Variants in NLRP9 observed in about 807,000 individuals in gnomAD.
NLRP9 encodes NACHT, LRR and PYD domains-containing protein 9.
A neutral mutation model predicts 83.1 loss-of-function variants in NLRP9; 88 were observed. That is an observed-to-expected ratio of 1.06 (90% confidence interval 0.89 to 1.26). NLRP9 has a LOEUF of 1.26. Among genes scored for constraint, NLRP9 ranks in the 50% most tolerant of loss-of-function variants. The probability of loss-of-function intolerance (pLI) is 0.00; values close to 1 mark genes in which losing one functional copy is unlikely to be tolerated. For missense variants in NLRP9, 1,308 were observed against 1,179.3 expected (o/e 1.11, Z -1.60); for synonymous variants, 521 against 447.6 (o/e 1.16, Z -2.07).
intron 1 of NLRP9, among the ~76,000 whole-genome samples, chr19:55,734,810 T>A (rs913855147): frequency 7.9e-5 from 12 of 152,052 alleles, no homozygotes; most frequent in African/African-American, 2.7e-4. Flanking sequence ...AATTTTTGTA[T>A]TTTTCGTAGA....
rs1987781506 is a variant in NLRP9 at position 55,712,583 on chromosome 19, C to T, written c.2509G>A (p.Gly837Ser). 2.5e-6 allele frequency: 4 copies of T among 1,611,968 alleles called. No individual in the cohort carries two copies. The highest frequency in any genetic ancestry group is 4.5e-5 in the East Asian group (2 of 44,734). Residue 837 changes from glycine (G) to serine (S), a missense_variant, in exon 7 of 9, where the codon GGC becomes AGC. By Grantham distance (56) the Gly-to-Ser change is moderately conservative (BLOSUM62 0). Transcript: ENST00000332836. Reference protein sequence around the residue: ...GCSIRELWLMGCFLTSDSCKD... With the variant: ...GCSIRELWLMSCFLTSDSCKD... The stretch of plus-strand genomic sequence containing the variant: ...CAGGAATCGGAAGTAAGGAAACAGC[C>T]CATCAACCTGGGGAGGTGGAAGACA...
chr19:55,712,232 A>G (rs2122278846), intron 7 of NLRP9, among the ~76,000 whole-genome samples, 188 bp downstream of exon 7: 1 of 152,280 alleles, frequency 6.6e-6, no homozygotes, highest in South Asian at 2.1e-4. Flanking sequence ...CCCAAGGCAA[A>G]TAACTCTCCA....
Position 55,733,364 on chromosome 19 carries a change from ATTCCATCAGGACC to A in NLRP9, c.454_466del (p.Gly152LeufsTer7). 1 of 1,614,172 alleles carries A rather than the reference ATTCCATCAGGACC, an allele frequency of 6.2e-7. No homozygotes were observed. The highest frequency in any genetic ancestry group is 1.1e-5 in the South Asian group (1 of 91,074). ...TTTTCTTAAAAGGGTTGTTTTTCCA[ATTCCATCAGGACC>A]TTCCAGGACCACAGTGTGTCGTCTA... is the stretch of plus-strand genomic sequence containing the variant. On this transcript the variant is annotated frameshift_variant, in exon 2 of 9. Coordinates refer to ENST00000332836, the MANE Select transcript of NLRP9 (RefSeq NM_176820.4). LOFTEE classifies it high-confidence loss of function.
rs960632364 is a variant in NLRP9, at chr19:55,738,222, G to A, written c.153C>T (p.Ser51=). The change falls in exon 1 of 9, where the codon TCC becomes TCT. Residue 51 remains serine, a synonymous_variant. Coordinates refer to ENST00000332836, the MANE Select transcript of NLRP9 (RefSeq NM_176820.4). ...CCAGCAGCTTTGCTACATCTTCTTT[G>A]GAGGCCTTCTTCAGCTCAGCCCAGG... is the stretch of plus-strand genomic sequence containing the variant. ...PIPWAELKKA[S]KEDVAKLLDK... is the part of the protein sequence containing the mutation. The A allele has an allele frequency of 6.2e-7, 1 of 1,613,938 alleles. No individual in the cohort carries two copies. The highest frequency in any genetic ancestry group is 8.5e-7 in the Non-Finnish European group (1 of 1,180,022).
chr19:55,712,468 T>C lies in NLRP9; in HGVS notation c.2624A>G (p.Gln875Arg). The change falls in exon 7 of 9, where the codon CAG becomes CGG. Residue 875 changes from glutamine to arginine, a missense_variant. Coordinates refer to ENST00000332836, the MANE Select transcript of NLRP9 (RefSeq NM_176820.4). ...AGGATGCTGCAAAGCTGCACATAAC[T>C]GTCTGACACCAGTGTCTCCTATTTC... Reference protein sequence around the residue: ...HNEIGDTGVRQLCAALQHPHC... With the variant: ...HNEIGDTGVRRLCAALQHPHC... 1 of 1,612,866 alleles carries C rather than the reference T, an allele frequency of 6.2e-7. No individual in the cohort carries two copies. Among genetic ancestry groups the C allele is most frequent in the Non-Finnish European group, 8.5e-7 (1 of 1,179,852 alleles).
At chr19:55,728,368 A>T (rs1988461423) in intron 3 of NLRP9, among the ~76,000 whole-genome samples, 1 of 152,050 alleles carries the variant, frequency 6.6e-6, no homozygotes, top group Non-Finnish European at 1.5e-5. Context: ...CAAGGCCAGG[A>T]GTTTGAGACC....
chr19:55,731,414 C>CGGAG (rs912977592), intron 2 of NLRP9, among the ~76,000 whole-genome samples: 6 of 150,158 alleles, frequency 4.0e-5, no homozygotes, highest in Admixed American at 1.3e-4. Context: ...GAGGAAGGAA[C>CGGAG]GGAGGGAGGG....
In NLRP9 at chr19:55,716,902, C is replaced by T. The variant is rs763094127; in HGVS notation, c.2160-4G>A. ...GGAGATGTCACACTTTCCCAGTCTA[C>T]ATGTGAAACACACACCATGAGACGG... On this transcript the variant is annotated splice_polypyrimidine_tract_variant and splice_region_variant and intron_variant, in intron 4 of 8. Transcript: ENST00000332836. 3 of 1,612,970 alleles carry T rather than the reference C, an allele frequency of 1.9e-6. No homozygotes were observed. Among genetic ancestry groups the T allele is most frequent in the Non-Finnish European group, 2.5e-6 (3 of 1,179,176 alleles).
Position 55,711,950 on chromosome 19 carries a change from G to T in NLRP9, c.2693C>A (p.Thr898Asn). ...ECLGLQTCPI[T>N]RACCDDIAAA... Reference sequence around the variant, plus strand: ...GGCGATGTCGTCGCAGCAGGCACGGGTGATCGGACACGTTTGCAGCCTGCA... The same window carrying T: ...GGCGATGTCGTCGCAGCAGGCACGGTTGATCGGACACGTTTGCAGCCTGCA... The change falls in exon 8 of 9, where the codon ACC (threonine) becomes AAC (asparagine). Residue 898 changes from threonine to asparagine, a missense_variant. Coordinates refer to ENST00000332836, the MANE Select transcript of NLRP9 (RefSeq NM_176820.4). 6.2e-7 allele frequency: 1 copy of T among 1,613,028 alleles called. No homozygotes were observed. Among genetic ancestry groups the T allele is most frequent in the South Asian group, 1.1e-5 (1 of 91,078 alleles).
chr19:55,736,134 G>C (rs1988778491), intron 1 of NLRP9, among the ~76,000 whole-genome samples: 1 of 151,778 alleles, frequency 6.6e-6, no homozygotes, highest in African/African-American at 2.4e-5. Context: ...ATTCACGCCT[G>C]TAATCCCAGC....
chr19:55,727,636 CT>C (rs1264021298), intron 3 of NLRP9, among the ~76,000 whole-genome samples: 1 of 152,176 alleles, frequency 6.6e-6, no homozygotes, highest in Non-Finnish European at 1.5e-5. Context: ...GTGAGGTCCA[CT>C]TTTTACTCTC....
At chr19:55,713,269 A>C (rs1164719608) in intron 6 of NLRP9, among the ~76,000 whole-genome samples, 2 of 151,494 alleles carry the variant, frequency 1.3e-5, no homozygotes, top group African/African-American at 2.4e-5. Context: ...GTGATTCCTT[A>C]CAGTACTTAT....
intron 4 of NLRP9, among the ~76,000 whole-genome samples, chr19:55,723,634 G>A (rs1489817636): frequency 6.6e-6 from 1 of 151,108 alleles, no homozygotes; most frequent in Non-Finnish European, 1.5e-5. Context: ...AGGCTGAGGT[G>A]GGAGGATTGC....
intron 4 of NLRP9, 44 bp from the exon 5 acceptor site, chr19:55,716,942 T>G (rs1347304777): frequency 6.5e-7 from 1 of 1,549,226 alleles, no homozygotes; most frequent in African/African-American, 1.4e-5. Flanking sequence ...AAGCTTTCAA[T>G]CGCTCATGAA....
At chr19:55,713,627 C>T (rs1326301255) in intron 6 of NLRP9, among the ~76,000 whole-genome samples, 1 of 43,072 alleles carries the variant, frequency 2.3e-5, no homozygotes, top group Non-Finnish European at 4.8e-5. Context: ...CCTCTTACTC[C>T]CCTCCTCCTC....
At chr19:55,712,293 T>TA (rs1208772458) in intron 7 of NLRP9, 127 bp downstream of exon 7, 1 of 796,246 alleles carries the variant, frequency 1.3e-6, no homozygotes, top group Middle Eastern at 3.6e-4. Context: ...GGCAGCATTT[T>TA]ACATATCAGA....
intron 5 of NLRP9, among the ~76,000 whole-genome samples, chr19:55,716,486 T>G (rs527830383): frequency 6.6e-6 from 1 of 152,206 alleles, no homozygotes; most frequent in African/African-American, 2.4e-5. Flanking sequence ...CTCAAACTCC[T>G]GAGCTCAGGT....
In NLRP9 at chr19:55,733,252, G is replaced by C; in HGVS notation, c.579C>G (p.Ile193Met). The change falls in exon 2 of 9, where the codon ATC (isoleucine) becomes ATG (methionine). Residue 193 changes from isoleucine to methionine, a missense_variant. Ile to Met is a conservative substitution (Grantham distance 10). Coordinates refer to ENST00000332836, the MANE Select transcript of NLRP9 (RefSeq NM_176820.4). ...FFLNVCEMNGIAETSLLELLS... is the reference protein window; with the variant it reads ...FFLNVCEMNGMAETSLLELLS... ...GGAGCTCCAGTAAGCTGGTCTCTGC[G>C]ATACCGTTCATTTCACAGACATTGA... is the stretch of plus-strand genomic sequence containing the variant. 1 of 1,613,942 alleles carries C rather than the reference G, an allele frequency of 6.2e-7. No homozygotes were observed.
intron 2 of NLRP9, among the ~76,000 whole-genome samples, chr19:55,731,754 G>A (rs1314734133): frequency 2.7e-5 from 4 of 147,888 alleles, no homozygotes; most frequent in South Asian, 2.2e-4. Context: ...CCTGCTAGCC[G>A]CCTCTTAATC....
Sources: allele counts gnomAD v4.1 joint callset (sites outside exome capture counted in the v4.1 genomes callset), GRCh38; gene constraint gnomAD v4.1.1; transcripts MANE v1.5; gene names NCBI Gene and HGNC (gene_info 2026-07-23, HGNC 2026-07-21).